TSHZ2: variants seen among roughly 807,000 people sequenced by gnomAD.
The protein encoded by TSHZ2 is teashirt zinc finger homeobox 2.
Under a neutral mutation model 74.4 loss-of-function variants are expected in TSHZ2, and 21 were observed. That is an observed-to-expected ratio of 0.28 (90% CI 0.20 to 0.41). The LOEUF is 0.41. Among genes scored for constraint, TSHZ2 ranks in the 10% least tolerant of loss-of-function variants. TSHZ2 has a pLI of 1.00. For synonymous variants in TSHZ2, 540 were observed against 515.3 expected, an observed-to-expected ratio of 1.05 and a Z score of -0.65; for missense variants, 1,244 against 1,293.5, an observed-to-expected ratio of 0.96 and a Z score of 0.59.
intron 2 of TSHZ2, among the ~76,000 whole-genome samples, chr20:53,265,146 G>C (rs932245859): frequency 6.6e-6 from 1 of 152,056 alleles, no homozygotes; most frequent in Admixed American, 6.5e-5. Context: ...GTTCAGGGGT[G>C]GGGGAGATGG....
intron 2 of TSHZ2, among the ~76,000 whole-genome samples, chr20:53,381,644 T>C (rs1484376925): frequency 6.6e-6 from 1 of 152,226 alleles, no homozygotes; most frequent in Non-Finnish European, 1.5e-5. Context: ...CAGGGTCTCT[T>C]TGGTAAATTC....
At chr20:53,081,715 G>A (rs1985540948) in intron 1 of TSHZ2, among the ~76,000 whole-genome samples, 1 of 152,108 alleles carries the variant, frequency 6.6e-6, no homozygotes, top group Admixed American at 6.6e-5. Context: ...GCTACTGTTT[G>A]TATTAGGTTC....
At chr20:53,359,415 A>G (rs1478810479) in intron 2 of TSHZ2, among the ~76,000 whole-genome samples, 2 of 152,246 alleles carry the variant, frequency 1.3e-5, no homozygotes, top group African/African-American at 4.8e-5. Context: ...TCTCAAATCA[A>G]AAAATCTCTG....
At chr20:53,122,041 C>G (rs111297645) in intron 1 of TSHZ2, among the ~76,000 whole-genome samples, 4,635 of 152,108 alleles carry the variant, frequency 0.03, 201 homozygotes, top group African/African-American at 0.096. Context: ...AATTCCAGCA[C>G]TTTGGGAGGC....
intron 1 of TSHZ2, among the ~76,000 whole-genome samples, chr20:53,155,809 A>G (rs974461353): frequency 6.6e-6 from 1 of 152,224 alleles, no homozygotes; most frequent in African/African-American, 2.4e-5. Flanking sequence ...TGGCCTCAAA[A>G]GACAATTAAG....
At chr20:53,138,189 T>C (rs538006359) in intron 1 of TSHZ2, among the ~76,000 whole-genome samples, 29 of 152,188 alleles carry the variant, frequency 1.9e-4, no homozygotes, top group Non-Finnish European at 3.2e-4. Context: ...GCGACCATCC[T>C]GGCTAACACG....
At chr20:52,994,391 C>CGGAT (rs796839747) in intron 1 of TSHZ2, among the ~76,000 whole-genome samples, 6 of 150,558 alleles carry the variant, frequency 4.0e-5, no homozygotes, top group South Asian at 4.2e-4. Context: ...GATGGATAAA[C>CGGAT]GGATGGATGG....
At chr20:53,354,374 G>A (rs1437405988) in intron 2 of TSHZ2, among the ~76,000 whole-genome samples, 1 of 152,180 alleles carries the variant, frequency 6.6e-6, no homozygotes, top group Non-Finnish European at 1.5e-5. Flanking sequence ...CTTGATAGTT[G>A]CAGAAATTCT....
chr20:53,175,074 T>C (rs1988296170), intron 1 of TSHZ2, among the ~76,000 whole-genome samples: 1 of 151,272 alleles, frequency 6.6e-6, no homozygotes. Flanking sequence ...GGATGATTCC[T>C]GACTATGTTA....
At position 53,095,577 on chromosome 20, in the gene TSHZ2, A is replaced by G. The variant is rs144580298; in HGVS notation, c.40+122244A>G. The stretch of plus-strand genomic sequence containing the variant: ...AGCAACAATAATAAATTTCTGTTAC[A>G]TAAAAAGCCAGCTTGCTCCCCAAGG... On this transcript the variant is annotated intron_variant, in intron 1 of 2. Transcript: ENST00000371497. Among the ~76,000 whole-genome samples the G allele has an allele frequency of 1.5e-3, 223 of 152,308 alleles. 1 individual carries two copies. The highest frequency in any genetic ancestry group is 5.1e-3 in the African/African-American group (210 of 41,566).
chr20:53,158,834 C>T (rs1043765206), intron 1 of TSHZ2, among the ~76,000 whole-genome samples: 7 of 152,238 alleles, frequency 4.6e-5, no homozygotes, highest in Non-Finnish European at 8.8e-5. Flanking sequence ...TAGTTTCTCC[C>T]ATGGCCTCCC....
chr20:53,436,826 C>T (rs1006401866), intron 2 of TSHZ2, among the ~76,000 whole-genome samples: 6 of 152,006 alleles, frequency 3.9e-5, no homozygotes, highest in Admixed American at 1.3e-4. Context: ...GCTGGGATTA[C>T]AGGTGTGAGC....
intron 1 of TSHZ2, among the ~76,000 whole-genome samples, chr20:53,101,926 A>C (rs908443700): frequency 1.2e-4 from 19 of 152,174 alleles, no homozygotes; most frequent in Admixed American, 3.3e-4. Context: ...CTTTAAAATC[A>C]CTTTTTTGGG....
At chr20:53,387,084 T>A (rs1982074124) in intron 2 of TSHZ2, among the ~76,000 whole-genome samples, 1 of 152,180 alleles carries the variant, frequency 6.6e-6, no homozygotes. Flanking sequence ...GGCTCCTGAC[T>A]TCACACACCT....
intron 1 of TSHZ2, among the ~76,000 whole-genome samples, chr20:53,047,009 A>C (rs1298464275): frequency 1.4e-5 from 2 of 146,096 alleles, no homozygotes; most frequent in Non-Finnish European, 3.0e-5. Flanking sequence ...TGCTGGAAAG[A>C]GACAGAGGCG....
chr20:53,053,799 A>G (rs1984557578), intron 1 of TSHZ2, among the ~76,000 whole-genome samples: 1 of 152,190 alleles, frequency 6.6e-6, no homozygotes, highest in South Asian at 2.1e-4. Flanking sequence ...AAGTCTGCTC[A>G]GGCTTTTATG....
chr20:53,246,036 C>CTTTTTTTTTTTTTTTTTTTTTTT (rs201257665), intron 1 of TSHZ2, among the ~76,000 whole-genome samples: 8 of 126,770 alleles, frequency 6.3e-5, no homozygotes, highest in South Asian at 2.2e-4. Context: ...TTCTTTCTTT[C>CTTTTTTTTTTTTTTTTTTTTTTT]TTTCTTTTTT....
chr20:53,456,648 A>T (rs2145798790), intron 2 of TSHZ2, among the ~76,000 whole-genome samples: 1 of 130,764 alleles, frequency 7.6e-6, no homozygotes, highest in South Asian at 2.8e-4. Context: ...TATGTCCTGA[A>T]TGGTAAAGCC....
At chr20:53,276,707 C>T (rs944042763) in intron 2 of TSHZ2, among the ~76,000 whole-genome samples, 1 of 152,188 alleles carries the variant, frequency 6.6e-6, no homozygotes, top group Non-Finnish European at 1.5e-5. Flanking sequence ...GCGCCATCCC[C>T]CGAGTGTCAG....
Sources: gnomAD v4.1 joint callset for allele counts (sites outside exome capture counted in the v4.1 genomes callset) on GRCh38, gnomAD v4.1.1 for gene constraint, MANE v1.5 for transcripts, NCBI Gene and HGNC (gene_info 2026-07-23, HGNC 2026-07-21) for gene names.